Variants in OSBPL5 observed in about 807,000 individuals in gnomAD.
The protein encoded by OSBPL5 is oxysterol binding protein like 5.
OSBPL5 carries 71 observed loss-of-function variants against 111.2 expected under a neutral mutation model. The observed-to-expected ratio is 0.64, with a 90% CI of 0.53 to 0.78. OSBPL5 has a LOEUF of 0.78. Ranked by LOEUF, OSBPL5 falls within the 30% of genes least tolerant of loss-of-function variation. The pLI is 0.00. For missense variants in OSBPL5, 1,210 were observed against 1,189.3 expected (o/e 1.02, Z -0.26); for synonymous variants, 549 against 513.9 (o/e 1.07, Z -0.93).
At chr11:3,103,881 T>TTCCAGCCTGCGC (rs1564830854) in intron 10 of OSBPL5, among the ~76,000 whole-genome samples, 2 of 49,826 alleles carry the variant, frequency 4.0e-5, no homozygotes, top group Admixed American at 5.2e-4. Flanking sequence ...CCTGCCTCTG[T>TTCCAGCCTGCGC]AGCCCCATTC....
intron 20 of OSBPL5, 98 bp downstream of exon 20, chr11:3,090,460 A>G: frequency 6.7e-7 from 1 of 1,494,734 alleles, no homozygotes; most frequent in Non-Finnish European, 9.1e-7. Flanking sequence ...GTTGCCCTAC[A>G]TCTGGGCAGG....
At chr11:3,148,303 A>T (rs1846437151) in intron 1 of OSBPL5, among the ~76,000 whole-genome samples, 1 of 152,196 alleles carries the variant, frequency 6.6e-6, no homozygotes, top group Non-Finnish European at 1.5e-5. Flanking sequence ...AACCTTCCCC[A>T]TTCCTTCTAC....
At chr11:3,117,701 TG>T (rs1465643976) in intron 7 of OSBPL5, among the ~76,000 whole-genome samples, 1 of 152,262 alleles carries the variant, frequency 6.6e-6, no homozygotes, top group Non-Finnish European at 1.5e-5. Context: ...TCCTAATTTT[TG>T]TTGGCTATAG....
Position 3,104,170 on chromosome 11 carries a change from G to T in OSBPL5, c.1244+23C>A, listed in dbSNP as rs1399749192. 4 of 1,586,984 alleles carry T rather than the reference G, an allele frequency of 2.5e-6. No homozygotes were observed. The Admixed American group carries it at 5.1e-5, about 20-fold the overall frequency. ...GCAGATGCAGGACGAGGTGTGGGGT[G>T]CCCCTCCCGGCATGGCGCGCACCTG... On this transcript the variant is annotated intron_variant, in intron 10 of 21. Transcript: ENST00000263650. This position sits in a 1 kb window ranked among gnomAD's most constrained non-coding sequence, Gnocchi z 5.0.
intron 1 of OSBPL5, among the ~76,000 whole-genome samples, chr11:3,148,983 G>C (rs938405339): frequency 2.0e-5 from 3 of 152,208 alleles, no homozygotes; most frequent in African/African-American, 7.2e-5. Context: ...GGTCTCCTCC[G>C]TGGGCTGCAG....
chr11:3,120,148 A>G (rs566716795), intron 6 of OSBPL5, among the ~76,000 whole-genome samples: 1 of 152,216 alleles, frequency 6.6e-6, no homozygotes, highest in East Asian at 1.9e-4. Flanking sequence ...ACCCCTGGGG[A>G]GCAGCCACTG....
chr11:3,093,939 G>A, intron 15 of OSBPL5, 104 bp from the exon 16 acceptor site: 1 of 1,388,442 alleles, frequency 7.2e-7, no homozygotes. Context: ...GGGTGCCTGG[G>A]AGCCCAGGAG....
intron 1 of OSBPL5, among the ~76,000 whole-genome samples, chr11:3,150,562 C>T (rs1846547960): frequency 6.6e-6 from 1 of 152,290 alleles, no homozygotes; most frequent in South Asian, 2.1e-4. Context: ...ATCAAGGTGT[C>T]CTGCCCCACA....
intron 3 of OSBPL5, among the ~76,000 whole-genome samples, chr11:3,124,290 C>T (rs929393039): frequency 5.9e-5 from 9 of 152,222 alleles, no homozygotes; most frequent in African/African-American, 9.6e-5. Context: ...AAGAAGAAAA[C>T]GGCACAAGAT....
intron 7 of OSBPL5, among the ~76,000 whole-genome samples, chr11:3,112,015 ATGTGTGTGCATG>A (rs1343242372): frequency 1.6e-4 from 13 of 79,098 alleles, no homozygotes; most frequent in African/African-American, 2.6e-4. Flanking sequence ...GTGTGCGCGC[ATGTGTGTGCATG>A]TGTGTGTATG....
At chr11:3,131,084 G>A (rs1858808023) in intron 1 of OSBPL5, among the ~76,000 whole-genome samples, 1 of 152,048 alleles carries the variant, frequency 6.6e-6, no homozygotes, top group Admixed American at 6.6e-5. Context: ...GCAGGGAGAG[G>A]GGCTCAAAAC....
chr11:3,137,676 G>A (rs1414688772), intron 1 of OSBPL5, among the ~76,000 whole-genome samples: 1 of 152,234 alleles, frequency 6.6e-6, no homozygotes, highest in African/African-American at 2.4e-5. Context: ...GGTTGTGGTG[G>A]CACATGCCTG....
In OSBPL5 at chr11:3,100,195, C is replaced by G. The variant is rs776762523; in HGVS notation, c.1584G>C (p.Glu528Asp). 2 of 1,614,092 alleles carry G rather than the reference C, an allele frequency of 1.2e-6. No individual in the cohort carries two copies. Among genetic ancestry groups the G allele is most frequent in the Non-Finnish European group, 1.7e-6 (2 of 1,180,026 alleles). ...KATLTFLNRA[E>D]DYTLTMPYAH... ...CGTAGGGCATGGTAAGGGTGTAATC[C>G]TCGGCTCGGTTCAGGAAGGTGAGCG... Residue 528 changes from glutamate (E) to aspartate (D), a missense_variant, in exon 14 of 22, where the codon GAG (glutamate) becomes GAC (aspartate). Physicochemically the swap from Glu to Asp is conservative, Grantham distance 45. Coordinates refer to ENST00000263650, the MANE Select transcript of OSBPL5 (RefSeq NM_020896.4).
At chr11:3,096,354 C>T (rs1039536780) in intron 14 of OSBPL5, among the ~76,000 whole-genome samples, 2 of 152,102 alleles carry the variant, frequency 1.3e-5, no homozygotes, top group Admixed American at 6.5e-5. Context: ...CGTGGGGGCT[C>T]ACGCCTGTAA....
At chr11:3,131,611 TCATC>T (rs1858844686) in intron 1 of OSBPL5, among the ~76,000 whole-genome samples, 2 of 36,128 alleles carry the variant, frequency 5.5e-5, no homozygotes, top group African/African-American at 2.3e-4. Context: ...ATCCACCCAT[TCATC>T]CATCTGTCTA....
intron 7 of OSBPL5, among the ~76,000 whole-genome samples, chr11:3,114,940 A>G (rs1286760209): frequency 6.6e-6 from 1 of 152,130 alleles, no homozygotes; most frequent in East Asian, 1.9e-4. Context: ...TTAATCAATT[A>G]TAAGATATTT....
intron 14 of OSBPL5, among the ~76,000 whole-genome samples, chr11:3,098,495 A>ATTTTTTTTTTTTTTTT (rs552382553): frequency 8.6e-5 from 7 of 81,194 alleles, no homozygotes; most frequent in African/African-American, 1.3e-4. Context: ...ACATGAAGGA[A>ATTTTTTTTTTTTTTTT]TTTTTTTTTT....
intron 7 of OSBPL5, 144 bp downstream of exon 7, chr11:3,119,403 G>T: frequency 1.3e-6 from 1 of 744,694 alleles, no homozygotes. Context: ...ACTCCGAGCC[G>T]GGCTCATCCT....
At chr11:3,153,526 C>A (rs1272497374) in intron 1 of OSBPL5, among the ~76,000 whole-genome samples, 1 of 152,228 alleles carries the variant, frequency 6.6e-6, no homozygotes, top group African/African-American at 2.4e-5. Context: ...TATTCCTGCT[C>A]TGGCAAGCTG....
Sources: allele counts gnomAD v4.1 joint callset (sites outside exome capture counted in the v4.1 genomes callset), GRCh38; gene constraint gnomAD v4.1.1; non-coding constraint Gnocchi (gnomAD v3.1); transcripts MANE v1.5; gene names NCBI Gene and HGNC (gene_info 2026-07-23, HGNC 2026-07-21).